ZNF320: variants seen among roughly 807,000 people sequenced by gnomAD.
ZNF320 encodes zinc finger gene 320.
In ZNF320, 2 loss-of-function variants were observed where a neutral mutation model predicts 6.8. That is an observed-to-expected ratio of 0.29 (90% CI 0.12 to 0.93). The LOEUF (loss-of-function observed/expected upper bound fraction) is 0.93. ZNF320 is among the 40% of genes least tolerant of loss of function. ZNF320 has a pLI of 0.55. For missense variants in ZNF320, 472 were observed against 611.0 expected (o/e 0.77, Z 2.40); for synonymous variants, 208 against 203.2 (o/e 1.02, Z -0.20).
intron 5 of ZNF320, among the ~76,000 whole-genome samples, chr19:52,885,285 A>T (rs551609602): frequency 9.6e-6 from 1 of 104,154 alleles, no homozygotes; most frequent in Non-Finnish European, 2.5e-5. Flanking sequence ...AAAGGTAAAT[A>T]AAAAAAACGG....
intron 2 of ZNF320, chr19:52,893,330 T>C (rs2064370143): frequency 6.6e-6 from 1 of 152,136 alleles, no homozygotes; most frequent in Admixed American, 6.5e-5. Context: ...TATGTATATA[T>C]ATTGCAAATG....
intron 2 of ZNF320, among the ~76,000 whole-genome samples, chr19:52,892,874 C>A (rs1332468444): frequency 1.3e-5 from 2 of 151,632 alleles, no homozygotes; most frequent in Non-Finnish European, 2.9e-5. Context: ...CCAAATCCCT[C>A]CTCCTCTCCC....
At chr19:52,872,150 A>C (rs1213183764), downstream of ZNF320, among the ~76,000 whole-genome samples, 3 of 152,032 alleles carry the variant, frequency 2.0e-5, no homozygotes, top group African/African-American at 7.2e-5. Context: ...GTTCCATTGC[A>C]CTCCAGAAAG....
chr19:52,868,018 T>G (rs2063608790), intron 5 of ZNF320, among the ~76,000 whole-genome samples: 1 of 151,486 alleles, frequency 6.6e-6, no homozygotes, highest in African/African-American at 2.4e-5. Flanking sequence ...GTGCTGGGAT[T>G]AGAGGTGTGA....
chr19:52,890,385 A>G (rs935057323), intron 3 of ZNF320, 57 bp from the exon 4 acceptor site: 1 of 1,292,920 alleles, frequency 7.7e-7, no homozygotes, highest in Admixed American at 2.1e-5. Flanking sequence ...CCTCCCCATA[A>G]CACAATGACA....
At chr19:52,901,739 T>C (rs2064571809), upstream of ZNF320, among the ~76,000 whole-genome samples, 1 of 152,224 alleles carries the variant, frequency 6.6e-6, no homozygotes, top group African/African-American at 2.4e-5. Context: ...AAAGGGACTT[T>C]ATGTTTATGT....
chr19:52,890,185 C>A (rs947843186), intron 4 of ZNF320, 56 bp downstream of exon 4: 17 of 1,597,166 alleles, frequency 1.1e-5, no homozygotes, highest in Non-Finnish European at 1.4e-5. Flanking sequence ...CAACTCCAGG[C>A]GCCAGCATTT....
rs1467616874 is a variant in ZNF320 at position 52,878,793 on chromosome 19, TC to T, written c.*1802del. ...TCGAACTCCTAGGCTCAAGCCATCC[TC>T]CCACTGCAGACTCCACAGAAGCTGA... is the stretch of plus-strand genomic sequence containing the variant. On this transcript the variant is annotated 3_prime_UTR_variant, in exon 6 of 6. Coordinates refer to ENST00000682928, the MANE Select transcript of ZNF320 (RefSeq NM_001351774.2). The T allele has an allele frequency of 1.3e-5, 2 of 152,208 alleles. No homozygotes were observed. Among genetic ancestry groups the T allele is most frequent in the Non-Finnish European group, 2.9e-5 (2 of 68,054 alleles). 9.4% of individuals were successfully genotyped at this position (152,208 alleles called of 1,614,324 possible). A position where few individuals can be genotyped will look rare whatever the true frequency, so the allele number is the denominator to read the frequency against.
At position 52,881,323 on chromosome 19, in the gene ZNF320, G is replaced by C. The variant is rs745911757; in HGVS notation, c.803C>G (p.Thr268Ser). The C allele has an allele frequency of 1.9e-6, 3 of 1,614,138 alleles. No individual in the cohort carries two copies. The highest frequency in any genetic ancestry group is 2.5e-6 in the Non-Finnish European group (3 of 1,180,032). ...ATTACATTTGTAAGGTTTCTCTCCA[G>C]TATGCAGTCTATGATGGTACACAAG... Reference protein sequence around the residue: ...SHLVYHHRLHTGEKPYKCNEC... With the variant: ...SHLVYHHRLHSGEKPYKCNEC... The change falls in exon 6 of 6, where the codon ACT (threonine) becomes AGT (serine). Residue 268 changes from threonine (T) to serine (S), a missense_variant. Physicochemically the swap from Thr to Ser is moderately conservative, Grantham distance 58. Around this residue, in one of 2 missense-constraint regions of ZNF320, gnomAD observed 462 missense variants for 559.7 expected, o/e 0.83. Transcript: ENST00000682928.
intron 5 of ZNF320, among the ~76,000 whole-genome samples, chr19:52,865,621 AT>A (rs199907220): frequency 0.17 from 20,870 of 120,242 alleles, 2,678 homozygotes; most frequent in Non-Finnish European, 0.2. Flanking sequence ...ATACATATAT[AT>A]TTATATATGA....
At chr19:52,873,208 G>A (rs1008176381), downstream of ZNF320, among the ~76,000 whole-genome samples, 3 of 151,988 alleles carry the variant, frequency 2.0e-5, no homozygotes, top group Admixed American at 6.6e-5. Context: ...GGCCCTTGTC[G>A]GGCTGAGGGA....
downstream of ZNF320, among the ~76,000 whole-genome samples, chr19:52,860,597 C>CAAAAAAAAAAAAAAAAAAGAAAAAAAAA (rs113315558): frequency 8.4e-6 from 1 of 118,870 alleles, no homozygotes; most frequent in Non-Finnish European, 1.7e-5. Flanking sequence ...GAAACGGCAT[C>CAAAAAAAAAAAAAAAAAAGAAAAAAAAA]AAAAAAAAAA....
At chr19:52,901,059 G>A (rs551793555), upstream of ZNF320, among the ~76,000 whole-genome samples, 180 of 151,950 alleles carry the variant, frequency 1.2e-3, 1 homozygote, top group African/African-American at 3.9e-3. Context: ...TATTTTACTT[G>A]TGTCACTTAG....
rs2063829375 is a variant in ZNF320 at position 52,878,666 on chromosome 19, T to C, written c.*1930A>G. The C allele has an allele frequency of 6.6e-6, 1 of 152,124 alleles. No individual in the cohort carries two copies. The highest frequency in any genetic ancestry group is 1.5e-5 in the Non-Finnish European group (1 of 68,020). The allele number at this position is 152,124 out of a possible 1,614,324, so 9.4% of individuals were successfully genotyped here. ...TTTTCATAAAGCATCAATGATTTCA[T>C]TGTCCCTCTACCCAAACTTTACCAG... On this transcript the variant is annotated 3_prime_UTR_variant, in exon 6 of 6. Transcript: ENST00000682928.
At position 52,892,946 on chromosome 19, in the gene ZNF320, T is replaced by C. The variant is rs1171256618; in HGVS notation, c.-192+833A>G. On this transcript the variant is annotated intron_variant, in intron 2 of 5. Coordinates refer to ENST00000682928, the MANE Select transcript of ZNF320 (RefSeq NM_001351774.2). ...CCTACCTTGCTGTCCTTCATCTCTC[T>C]GTACATCTAGCTTTTCTCTACATTT... Among the ~76,000 whole-genome samples the C allele has an allele frequency of 2.0e-5, 3 of 152,080 alleles. No individual in the cohort carries two copies. In the East Asian group the frequency reaches 5.8e-4, roughly 29 times the overall value.
chr19:52,864,230 G>A (rs2063506640), intron 5 of ZNF320: 1 of 169,778 alleles, frequency 5.9e-6, no homozygotes, highest in African/African-American at 2.4e-5. Context: ...TGAGAAATGG[G>A]AAATTAAGTA....
intron 1 of ZNF320, among the ~76,000 whole-genome samples, chr19:52,896,533 A>G (rs1472918703): frequency 6.6e-6 from 1 of 152,086 alleles, no homozygotes; most frequent in East Asian, 1.9e-4. Context: ...ACAAGGCAAA[A>G]GCCCGTCTCT....
chr19:52,882,124 A>G, intron 5 of ZNF320, 141 bp from the exon 6 acceptor site: 1 of 854,120 alleles, frequency 1.2e-6, no homozygotes, highest in Non-Finnish European at 1.7e-6. Flanking sequence ...ACACAAAACA[A>G]GTAAGATTCT....
intron 5 of ZNF320, among the ~76,000 whole-genome samples, chr19:52,882,996 C>T (rs1568715740): frequency 6.6e-6 from 1 of 151,588 alleles, no homozygotes; most frequent in Admixed American, 6.6e-5. Context: ...TACAAAATTA[C>T]CTATATCCAT....
Sources: gnomAD v4.1 joint callset for allele counts (sites outside exome capture counted in the v4.1 genomes callset) on GRCh38, gnomAD v4.1.1 for gene constraint, gnomAD v4.1.1 regional missense constraint, MANE v1.5 for transcripts, NCBI Gene and HGNC (gene_info 2026-07-23, HGNC 2026-07-21) for gene names.